Variants in GNB5 observed in about 807,000 individuals in gnomAD.
The protein encoded by GNB5 is G protein subunit beta 5.
In GNB5, 37 loss-of-function variants were observed where a neutral mutation model predicts 55.3. The ratio of observed to expected loss-of-function variants is 0.67; its 90% CI spans 0.51 to 0.88. The LOEUF (loss-of-function observed/expected upper bound fraction) is 0.88, where lower values mean the gene tolerates loss of function less well. Ranked by LOEUF, GNB5 falls within the 40% of genes least tolerant of loss-of-function variation. The probability of loss-of-function intolerance (pLI) is 0.00; values close to 1 mark genes in which losing one functional copy is unlikely to be tolerated. For synonymous variants in GNB5, 219 were observed against 198.5 expected, an observed-to-expected ratio of 1.10 and a Z score of -0.87; for missense variants, 476 against 515.3, an observed-to-expected ratio of 0.92 and a Z score of 0.74.
intron 9 of GNB5, chr15:52,128,547 T>C: frequency 1.7e-6 from 1 of 590,966 alleles, no homozygotes; most frequent in Non-Finnish European, 3.2e-6. Flanking sequence ...TTCCTAAGAC[T>C]TGGCCCAGAG....
intron 6 of GNB5, among the ~76,000 whole-genome samples, chr15:52,146,174 G>GTCTCGATCTCCTGACCTCGTGA (rs2033972703): frequency 6.6e-6 from 1 of 151,990 alleles, no homozygotes; most frequent in Admixed American, 6.6e-5. Flanking sequence ...AGCCAGAATG[G>GTCTCGATCTCCTGACCTCGTGA]TCTCGATCTC....
intron 7 of GNB5, chr15:52,138,858 CT>C (rs1365670034): frequency 6.6e-6 from 1 of 152,120 alleles, no homozygotes; most frequent in Non-Finnish European, 1.5e-5. Flanking sequence ...ATTTCTAATA[CT>C]TTTCAATTTT....
intron 6 of GNB5, 161 bp downstream of exon 6, chr15:52,147,298 G>T (rs566467045): frequency 1.1e-3 from 634 of 592,290 alleles, no homozygotes; most frequent in Non-Finnish European, 1.2e-3. Context: ...CCACTGTGCT[G>T]GCTTATGGTT....
At chr15:52,149,634 A>G in intron 5 of GNB5, 1 of 594,584 alleles carries the variant, frequency 1.7e-6, no homozygotes, top group Non-Finnish European at 3.0e-6. Context: ...GCCCATTTCC[A>G]TGTTGGTATT....
intron 1 of GNB5, among the ~76,000 whole-genome samples, chr15:52,187,079 T>C (rs1310029704): frequency 2.0e-5 from 3 of 152,158 alleles, no homozygotes; most frequent in African/African-American, 7.2e-5. Context: ...GTAGCATGAA[T>C]ACACACTTTG....
At position 52,119,054 on chromosome 15, in the gene GNB5, G is replaced by C. The variant is rs1239681702; in HGVS notation, c.*3703C>G. Reference sequence around the variant, plus strand: ...GGGGAAGGGGAATGGGGAGGAGATGGGGAGAAAAGGAAGTGCTGGGGGAAG... The same window carrying C: ...GGGGAAGGGGAATGGGGAGGAGATGCGGAGAAAAGGAAGTGCTGGGGGAAG... On this transcript the variant is annotated 3_prime_UTR_variant, in exon 13 of 13. Transcript: ENST00000261837. The C allele has an allele frequency of 7.0e-6, 1 of 142,546 alleles. No individual in the cohort carries two copies. Among genetic ancestry groups the C allele is most frequent in the Non-Finnish European group, 1.5e-5 (1 of 65,598 alleles). The allele number at this position is 142,546 out of a possible 1,614,324, so 8.8% of individuals were successfully genotyped here.
chr15:52,139,175 C>CTCA (rs2033795288), intron 7 of GNB5: 1 of 152,240 alleles, frequency 6.6e-6, no homozygotes, highest in African/African-American at 2.4e-5. Context: ...GGTGCAGTGG[C>CTCA]TCACGCCTAT....
At chr15:52,161,118 G>C (rs1026019456) in intron 3 of GNB5, among the ~76,000 whole-genome samples, 5 of 152,146 alleles carry the variant, frequency 3.3e-5, no homozygotes, top group African/African-American at 1.2e-4. Flanking sequence ...TGAGGAGCCT[G>C]GAGCTCAGAG....
intron 12 of GNB5, among the ~76,000 whole-genome samples, chr15:52,123,299 G>C (rs1349757346): frequency 6.6e-6 from 1 of 152,106 alleles, no homozygotes; most frequent in Non-Finnish European, 1.5e-5. Context: ...TGACTATTTA[G>C]TTTTAAAGGG....
chr15:52,126,102 G>T, intron 10 of GNB5, 58 bp from the exon 11 acceptor site: 2 of 821,664 alleles, frequency 2.4e-6, no homozygotes, highest in South Asian at 1.4e-5. Flanking sequence ...GTGACGTGAT[G>T]ACCACAGAGC....
chr15:52,149,169 A>C (rs988844750), intron 5 of GNB5: 2 of 152,384 alleles, frequency 1.3e-5, no homozygotes, highest in Admixed American at 6.5e-5. Flanking sequence ...CACTGACTAA[A>C]CACATTCAAC....
chr15:52,175,910 G>A (rs1397855323), intron 3 of GNB5, among the ~76,000 whole-genome samples: 3 of 151,812 alleles, frequency 2.0e-5, no homozygotes, highest in Admixed American at 6.6e-5. Context: ...TTAGCCAGGT[G>A]TGATGGCATG....
At chr15:52,142,449 T>C (rs1313162834) in intron 6 of GNB5, among the ~76,000 whole-genome samples, 3 of 152,222 alleles carry the variant, frequency 2.0e-5, no homozygotes, top group Non-Finnish European at 4.4e-5. Flanking sequence ...CCAGTATCAC[T>C]GTACACCCAT....
At chr15:52,124,785 G>C in intron 11 of GNB5, 146 bp from the exon 12 acceptor site, 1 of 664,446 alleles carries the variant, frequency 1.5e-6, no homozygotes, top group Non-Finnish European at 2.7e-6. Context: ...ATTCAAAGGG[G>C]AGAAAGCACA....
At chr15:52,149,813 C>T (rs897731467) in intron 5 of GNB5, 71 bp downstream of exon 5, 2 of 1,142,612 alleles carry the variant, frequency 1.8e-6, no homozygotes, top group Non-Finnish European at 2.7e-6. Context: ...GGCCGGGCAG[C>T]TGGACCAGAG....
At chr15:52,143,988 G>A (rs905150915) in intron 6 of GNB5, 3 of 152,162 alleles carry the variant, frequency 2.0e-5, no homozygotes, top group Non-Finnish European at 4.4e-5. Context: ...TTTGGCCCTC[G>A]TAACAGCCAG....
Position 52,136,167 on chromosome 15 carries a change from CA to C in GNB5, c.628-412del, listed in dbSNP as rs1566935782. Among the ~76,000 whole-genome samples, 61 of 122,406 alleles carry C rather than the reference CA, an allele frequency of 5.0e-4. 1 individual carries two copies. Among genetic ancestry groups the C allele is most frequent in the African/African-American group, 1.3e-3 (42 of 32,514 alleles). The allele number at this position is 122,406 out of a possible 152,430, so 80.3% of individuals were successfully genotyped here. A position where few individuals can be genotyped will look rare whatever the true frequency, so the allele number is the denominator to read the frequency against. On this transcript the variant is annotated intron_variant, in intron 7 of 12. Transcript: ENST00000261837. ...ACACACACACACACACACACACACA[CA>C]CACACCCTACCTGCTGTATCTGGGT...
intron 4 of GNB5, among the ~76,000 whole-genome samples, chr15:52,152,064 A>G (rs1267192331): frequency 6.6e-6 from 1 of 151,940 alleles, no homozygotes; most frequent in African/African-American, 2.4e-5. Flanking sequence ...TACATAAGTG[A>G]TAAATTTATT....
intron 3 of GNB5, among the ~76,000 whole-genome samples, chr15:52,175,924 C>G (rs532882370): frequency 6.6e-6 from 1 of 152,022 alleles, no homozygotes; most frequent in Non-Finnish European, 1.5e-5. Flanking sequence ...TGGCATGTGC[C>G]TGTAATCCCA....
Sources: allele counts gnomAD v4.1 joint callset (sites outside exome capture counted in the v4.1 genomes callset), GRCh38; gene constraint gnomAD v4.1.1; transcripts MANE v1.5; gene names NCBI Gene and HGNC (gene_info 2026-07-23, HGNC 2026-07-21).